Variants in MSRB3 observed in about 807,000 individuals in gnomAD.
The protein encoded by MSRB3 is methionine-R-sulfoxide reductase B3.
Under a neutral mutation model 21.0 loss-of-function variants are expected in MSRB3, and 13 were observed. The ratio of observed to expected loss-of-function variants is 0.62; its 90% CI spans 0.40 to 0.98. MSRB3 has a LOEUF of 0.98. MSRB3 is among the 50% of genes least tolerant of loss of function. The pLI, the probability that MSRB3 is intolerant of heterozygous loss-of-function variation, is 0.00. For synonymous variants in MSRB3, 87 were observed against 88.6 expected, an observed-to-expected ratio of 0.98 and a Z score of 0.10; for missense variants, 199 against 230.3, an observed-to-expected ratio of 0.86 and a Z score of 0.88.
chr12:65,365,654 G>A (rs1278078591), intron 4 of MSRB3, among the ~76,000 whole-genome samples: 1 of 152,170 alleles, frequency 6.6e-6, no homozygotes, highest in Non-Finnish European at 1.5e-5. Flanking sequence ...GCCTGGGCAA[G>A]AGGACAAATG....
intron 2 of MSRB3, among the ~76,000 whole-genome samples, chr12:65,310,560 A>G (rs1454714960): frequency 3.9e-5 from 6 of 152,242 alleles, no homozygotes; most frequent in Non-Finnish European, 5.9e-5. Flanking sequence ...AGTACCCAGC[A>G]TAGTTCTTGT....
rs75147644 is a variant in MSRB3 at position 65,446,156 on chromosome 12, A to G, written c.293-7572A>G. On this transcript the variant is annotated intron_variant, in intron 5 of 6. Coordinates refer to ENST00000308259, the MANE Select transcript of MSRB3 (RefSeq NM_001031679.3). ...TGGGGGACACATCCTTATATTTGCA[A>G]TGGCAGGAGGGAAGAAATACAGAAA... 3.0e-3 allele frequency among the ~76,000 whole-genome samples: 457 copies of G among 152,318 alleles called. 1 individual carries two copies. Among genetic ancestry groups the G allele is most frequent in the African/African-American group, 0.011 (441 of 41,572 alleles).
At chr12:65,394,818 G>A (rs965794364) in intron 5 of MSRB3, among the ~76,000 whole-genome samples, 9 of 152,184 alleles carry the variant, frequency 5.9e-5, no homozygotes, top group African/African-American at 2.2e-4. Context: ...AAAGAATAAA[G>A]GTGATTGTAT....
intron 4 of MSRB3, among the ~76,000 whole-genome samples, chr12:65,345,557 T>C (rs1160567508): frequency 2.0e-5 from 3 of 152,048 alleles, no homozygotes; most frequent in African/African-American, 7.2e-5. Flanking sequence ...ACGTAGGAAA[T>C]GCTAAAGTAG....
chr12:65,455,272 T>A (rs1031076500), intron 6 of MSRB3, among the ~76,000 whole-genome samples: 1 of 151,586 alleles, frequency 6.6e-6, no homozygotes, highest in African/African-American at 2.4e-5. Flanking sequence ...GACTGGCAAG[T>A]CTCCTGTCCT....
At chr12:65,282,298 CAA>C (rs1315333373) in intron 1 of MSRB3, among the ~76,000 whole-genome samples, 1 of 147,808 alleles carries the variant, frequency 6.8e-6, no homozygotes, top group Non-Finnish European at 1.5e-5. Context: ...GCCTGGGCGA[CAA>C]GAGCAAAACT....
intron 4 of MSRB3, among the ~76,000 whole-genome samples, chr12:65,342,558 A>G (rs1461634022): frequency 6.6e-6 from 1 of 152,036 alleles, no homozygotes; most frequent in African/African-American, 2.4e-5. Flanking sequence ...CTTTCTGGAT[A>G]GCAGTGTAAT....
At chr12:65,289,823 A>G (rs1056009084) in intron 1 of MSRB3, among the ~76,000 whole-genome samples, 1 of 152,140 alleles carries the variant, frequency 6.6e-6, no homozygotes, top group African/African-American at 2.4e-5. Context: ...TAATTTGTTT[A>G]GGATTATGGT....
chr12:65,350,959 G>T (rs1420931545), intron 4 of MSRB3, among the ~76,000 whole-genome samples: 2 of 148,482 alleles, frequency 1.3e-5, no homozygotes, highest in South Asian at 4.3e-4. Context: ...GCACCAAGCG[G>T]ACCTAATAGA....
intron 5 of MSRB3, among the ~76,000 whole-genome samples, chr12:65,377,003 G>A (rs11615101): frequency 0.18 from 27,006 of 152,106 alleles, 2,922 homozygotes; most frequent in Admixed American, 0.25. Context: ...TGATTCAAAT[G>A]TTTGTTTTCT....
In MSRB3 at chr12:65,288,662, T is replaced by G. The variant is rs142267948; in HGVS notation, c.-52+9797T>G. 4.6e-3 allele frequency among the ~76,000 whole-genome samples: 695 copies of G among 152,326 alleles called. 8 individuals carry two copies. Among genetic ancestry groups the G allele is most frequent in the African/African-American group, 0.016 (654 of 41,574 alleles). On this transcript the variant is annotated intron_variant, in intron 1 of 6. Coordinates refer to ENST00000308259, the MANE Select transcript of MSRB3 (RefSeq NM_001031679.3). ...GGACTAGAAATTATGTCTTTCTAAA[T>G]GTACAGCTGGGAATTGCTTATTTAT...
At chr12:65,391,702 A>T (rs978246473) in intron 5 of MSRB3, among the ~76,000 whole-genome samples, 1 of 152,256 alleles carries the variant, frequency 6.6e-6, no homozygotes, top group African/African-American at 2.4e-5. Context: ...TAGAAACAAC[A>T]TAACAGAAAA....
intron 1 of MSRB3, among the ~76,000 whole-genome samples, chr12:65,305,868 G>A (rs887812837): frequency 3.9e-4 from 59 of 152,098 alleles, no homozygotes; most frequent in Non-Finnish European, 7.2e-4. Flanking sequence ...AAGAAGGAGT[G>A]GATATAAATG....
intron 4 of MSRB3, among the ~76,000 whole-genome samples, chr12:65,364,269 C>T (rs1037634149): frequency 3.3e-5 from 5 of 152,134 alleles, no homozygotes; most frequent in African/African-American, 1.2e-4. Flanking sequence ...CAACTAGCAA[C>T]AAGGCAGTTG....
chr12:65,291,804 A>G (rs1398397092), intron 1 of MSRB3, among the ~76,000 whole-genome samples: 1 of 152,160 alleles, frequency 6.6e-6, no homozygotes, highest in Non-Finnish European at 1.5e-5. Flanking sequence ...ACCAGATTAT[A>G]TGGGGCTTTT....
chr12:65,464,642 A>G lies in MSRB3; in HGVS notation c.*1320A>G, dbSNP rs922220069. 2.6e-5 allele frequency: 4 copies of G among 152,282 alleles called. No homozygotes were observed. The highest frequency in any genetic ancestry group is 9.7e-5 in the African/African-American group (4 of 41,450). 9.4% of individuals were successfully genotyped at this position (152,282 alleles called of 1,614,324 possible). On this transcript the variant is annotated 3_prime_UTR_variant, in exon 7 of 7. Transcript: ENST00000308259. ...TAAAATAAAATATTAGGGGCAACAC[A>G]CTTCATCAAGGCAGCAGGAATGAGA... is the stretch of plus-strand genomic sequence containing the variant.
intron 6 of MSRB3, among the ~76,000 whole-genome samples, chr12:65,458,662 C>T (rs74711938): frequency 0.02 from 2,994 of 152,174 alleles, 112 homozygotes; most frequent in African/African-American, 0.069. Context: ...TTTACTTGTT[C>T]TCTTTTGTTA....
intron 5 of MSRB3, among the ~76,000 whole-genome samples, chr12:65,371,328 C>CAAAA (rs34453745): frequency 2.5e-4 from 21 of 84,746 alleles, no homozygotes; most frequent in South Asian, 9.6e-4. Context: ...GACTCCATCT[C>CAAAA]AAAAAAAAAA....
intron 1 of MSRB3, among the ~76,000 whole-genome samples, chr12:65,279,907 C>T (rs948699557): frequency 1.3e-5 from 2 of 152,072 alleles, no homozygotes; most frequent in African/African-American, 4.8e-5. Context: ...TTCCTTAGAG[C>T]TGAGATTTCT....
Sources: allele counts gnomAD v4.1 joint callset (sites outside exome capture counted in the v4.1 genomes callset), GRCh38; gene constraint gnomAD v4.1.1; transcripts MANE v1.5; gene names NCBI Gene and HGNC (gene_info 2026-07-23, HGNC 2026-07-21).